Variants in CACNA1C observed in about 807,000 individuals in gnomAD.
CACNA1C encodes the protein voltage-dependent L-type calcium channel subunit alpha-1C.
A neutral mutation model predicts 229.0 loss-of-function variants in CACNA1C; 30 were observed. That is an observed-to-expected ratio of 0.13 (90% CI 0.10 to 0.18). The LOEUF (loss-of-function observed/expected upper bound fraction) is 0.18, where lower values mean the gene tolerates loss of function less well. Ranked by LOEUF, CACNA1C falls within the 10% of genes least tolerant of loss-of-function variation. The pLI is 1.00. For synonymous variants in CACNA1C, 1,114 were observed against 1,132.5 expected (o/e 0.98, Z 0.33); for missense variants, 1,658 against 2,845.0 (o/e 0.58, Z 9.49).
At chr12:2,617,136 T>G (rs1244079040) in intron 29 of CACNA1C, among the ~76,000 whole-genome samples, 1 of 152,198 alleles carries the variant, frequency 6.6e-6, no homozygotes, top group Non-Finnish European at 1.5e-5. Flanking sequence ...AGGAGCGGTT[T>G]CTCCGGTCCC....
rs562546671 is a variant in CACNA1C, at chr12:2,136,184, C to T, written c.477+15754C>T. 3.3e-5 allele frequency among the ~76,000 whole-genome samples: 5 copies of T among 151,526 alleles called. No individual in the cohort carries two copies. In the East Asian group the frequency reaches 5.8e-4, roughly 18 times the overall value. The stretch of plus-strand genomic sequence containing the variant: ...TTTGGCTCGCGCACCCACTGGCCTG[C>T]GCCCACTGTCTGGCACTCCCTAGTG... On this transcript the variant is annotated intron_variant, in intron 3 of 46. Coordinates refer to ENST00000399655, the MANE Select transcript of CACNA1C (RefSeq NM_000719.7).
intron 13 of CACNA1C, among the ~76,000 whole-genome samples, chr12:2,578,200 T>C (rs1368245900): frequency 6.6e-6 from 1 of 152,154 alleles, no homozygotes; most frequent in Non-Finnish European, 1.5e-5. Context: ...TAATGAGGGA[T>C]AGAGCGGTGG....
intron 1 of CACNA1C, among the ~76,000 whole-genome samples, chr12:2,088,849 T>G (rs563523791): frequency 6.6e-6 from 1 of 152,096 alleles, no homozygotes; most frequent in Non-Finnish European, 1.5e-5. Context: ...GTCGGACTGG[T>G]TACTATATGT....
chr12:2,242,780 A>C (rs1379502948), intron 3 of CACNA1C, among the ~76,000 whole-genome samples: 2 of 152,204 alleles, frequency 1.3e-5, no homozygotes, highest in African/African-American at 4.8e-5. Flanking sequence ...GAGAGCAATA[A>C]TATTTGGCTT....
chr12:2,464,492 G>A (rs529916460), intron 5 of CACNA1C, among the ~76,000 whole-genome samples: 1 of 152,290 alleles, frequency 6.6e-6, no homozygotes, highest in South Asian at 2.1e-4. Flanking sequence ...CAGAGCAGAG[G>A]CTCAAGCCCA....
chr12:2,688,450 T>C lies in CACNA1C; in HGVS notation c.5788T>C (p.Leu1930=), dbSNP rs780936636. ...LPLHLVHHQA[L]AVAGLSPLLQ... ...CACACTCCTTGTGTGTCCGCAGGCA[T>C]TGGCAGTGGCAGGCCTGAGCCCCCT... Residue 1930 remains leucine, a synonymous_variant, in exon 46 of 47, where the codon TTG becomes CTG. Coordinates refer to ENST00000399655, the MANE Select transcript of CACNA1C (RefSeq NM_000719.7). 5.0e-6 allele frequency: 8 copies of C among 1,613,798 alleles called. No individual in the cohort carries two copies. Among genetic ancestry groups the C allele is most frequent in the Admixed American group, 3.3e-5 (2 of 60,028 alleles).
chr12:2,147,120 T>C (rs1316985346), intron 3 of CACNA1C, among the ~76,000 whole-genome samples: 2 of 151,310 alleles, frequency 1.3e-5, no homozygotes, highest in African/African-American at 4.8e-5. Flanking sequence ...ATTCAGGGCT[T>C]AAGGGATTTC....
chr12:2,615,621 C>T (rs993511156), intron 29 of CACNA1C, among the ~76,000 whole-genome samples: 10 of 152,112 alleles, frequency 6.6e-5, no homozygotes, highest in Non-Finnish European at 1.0e-4. Context: ...TTACGGCCAA[C>T]AGGATGAGGC....
chr12:2,266,352 G>C (rs976687630), intron 3 of CACNA1C, among the ~76,000 whole-genome samples: 4 of 152,242 alleles, frequency 2.6e-5, no homozygotes, highest in African/African-American at 9.6e-5. Flanking sequence ...AAATAATTAA[G>C]CTGAGCATAT....
At chr12:2,177,024 G>T (rs1327646302) in intron 3 of CACNA1C, among the ~76,000 whole-genome samples, 1 of 152,208 alleles carries the variant, frequency 6.6e-6, no homozygotes, top group Non-Finnish European at 1.5e-5. Context: ...TAATCAATAG[G>T]TGTCTGATGG....
chr12:2,687,075 C>G (rs967958103), intron 45 of CACNA1C, among the ~76,000 whole-genome samples: 1 of 152,202 alleles, frequency 6.6e-6, no homozygotes, highest in Non-Finnish European at 1.5e-5. Context: ...GTTGATAGTA[C>G]TTCAGCTCCA....
intron 5 of CACNA1C, among the ~76,000 whole-genome samples, chr12:2,472,670 A>G (rs1314652013): frequency 2.0e-5 from 3 of 152,210 alleles, no homozygotes; most frequent in Non-Finnish European, 4.4e-5. Flanking sequence ...GCCAAGTCCA[A>G]CATCTGAACA....
chr12:2,232,809 A>G (rs76269772), intron 3 of CACNA1C, among the ~76,000 whole-genome samples: 2,853 of 152,098 alleles, frequency 0.019, 99 homozygotes, highest in African/African-American at 0.065. Context: ...TATCATGTTT[A>G]TTTATTTTAT....
At chr12:2,378,732 C>G (rs1219461234) in intron 3 of CACNA1C, among the ~76,000 whole-genome samples, 1 of 152,142 alleles carries the variant, frequency 6.6e-6, no homozygotes, top group East Asian at 1.9e-4. Context: ...CTTCATTGCT[C>G]TCGGCCATTG....
intron 25 of CACNA1C, 36 bp downstream of exon 25, chr12:2,606,699 C>T (rs574283842): frequency 5.7e-6 from 9 of 1,582,928 alleles, no homozygotes; most frequent in African/African-American, 5.4e-5. Context: ...GGGCCACGGC[C>T]GGTCAGCCCC....
chr12:2,597,361 G>C lies in CACNA1C; in HGVS notation c.2853+72G>C. The C allele has an allele frequency of 6.7e-7, 1 of 1,498,316 alleles. No homozygotes were observed. Among genetic ancestry groups the C allele is most frequent in the Non-Finnish European group, 9.3e-7 (1 of 1,074,758 alleles). The allele number at this position is 1,498,316 out of a possible 1,614,324, so 92.8% of individuals were successfully genotyped here. Reference sequence around the variant, plus strand: ...CACCAGGTCTCTGCCGCTGTCTGTCGCTAACACACATGCTCCTTCCTGTTG... The same window carrying C: ...CACCAGGTCTCTGCCGCTGTCTGTCCCTAACACACATGCTCCTTCCTGTTG... On this transcript the variant is annotated intron_variant, in intron 21 of 46. Coordinates refer to ENST00000399655, the MANE Select transcript of CACNA1C (RefSeq NM_000719.7). This position sits in a 1 kb window ranked among gnomAD's most constrained non-coding sequence, Gnocchi z 4.3.
chr12:1,992,859 G>A (rs1444343128), intron 1 of CACNA1C: 8 of 405,442 alleles, frequency 2.0e-5, no homozygotes, highest in East Asian at 4.1e-5. Flanking sequence ...CAGCTCACTC[G>A]GCCAAAAGTG....
At chr12:2,550,083 G>T in intron 10 of CACNA1C, 50 bp downstream of exon 10, 1 of 1,244,888 alleles carries the variant, frequency 8.0e-7, no homozygotes. Context: ...TGGAGCATGG[G>T]TGGAAAAGCT....
intron 3 of CACNA1C, among the ~76,000 whole-genome samples, chr12:2,266,916 A>T (rs2082601823): frequency 6.6e-6 from 1 of 152,174 alleles, no homozygotes; most frequent in African/African-American, 2.4e-5. Flanking sequence ...CAACCAAGGG[A>T]TAATGAAGCT....
Sources: allele counts gnomAD v4.1 joint callset (sites outside exome capture counted in the v4.1 genomes callset), GRCh38; gene constraint gnomAD v4.1.1; non-coding constraint Gnocchi (gnomAD v3.1); transcripts MANE v1.5; gene names NCBI Gene and HGNC (gene_info 2026-07-23, HGNC 2026-07-21).